Variants in RPF1 observed in about 807,000 individuals in gnomAD.
RPF1 encodes ribosome production factor 1 homolog, also known as ribosome production factor 1.
Under a neutral mutation model 41.9 loss-of-function variants are expected in RPF1, and 34 were observed. The observed-to-expected ratio is 0.81, with a 90% CI of 0.62 to 1.08. RPF1 has a LOEUF of 1.08. RPF1 is among the 50% of genes least tolerant of loss of function. The pLI is 0.00. For missense variants in RPF1, 425 were observed against 435.2 expected, an observed-to-expected ratio of 0.98 and a Z score of 0.21; for synonymous variants, 140 against 148.9, an observed-to-expected ratio of 0.94 and a Z score of 0.43.
chr1:84,496,387 TA>T lies in RPF1; in HGVS notation c.1008+22del. 6.3e-7 allele frequency: 1 copy of T among 1,576,408 alleles called. No individual in the cohort carries two copies. The highest frequency in any genetic ancestry group is 8.6e-7 in the Non-Finnish European group (1 of 1,161,056). On this transcript the variant is annotated intron_variant, in intron 8 of 8. Transcript: ENST00000370654. Reference sequence around the variant, plus strand: ...GTCCATAAGGTATGTGCTTATTGTTTAAAAAGACTAAGTCATTTTTAAAGTA... The same window carrying T: ...GTCCATAAGGTATGTGCTTATTGTTTAAAAGACTAAGTCATTTTTAAAGTA...
At position 84,496,047 on chromosome 1, in the gene RPF1, T is replaced by G. The variant is rs199978767; in HGVS notation, c.865T>G (p.Phe289Val). ...ATFHNQRDYI[F>V]FRFHRYIFRS... is the part of the protein sequence containing the mutation. ...ATTCCACAATCAACGGGATTACATA[T>G]TCTTCAGATTTCACAGGTGAGGAAG... Residue 289 changes from phenylalanine to valine, a missense_variant, in exon 7 of 9, where the codon TTC becomes GTC. Coordinates refer to ENST00000370654, the MANE Select transcript of RPF1 (RefSeq NM_025065.7). 5.8e-5 allele frequency: 93 copies of G among 1,606,796 alleles called. 1 individual carries two copies. In the East Asian group the frequency reaches 9.8e-4, roughly 17 times the overall value.
rs567994915 is a variant in RPF1 at position 84,489,091 on chromosome 1, CCTTT to C, written c.367-541_367-538del. Among the ~76,000 whole-genome samples the C allele has an allele frequency of 2.6e-4, 39 of 151,908 alleles. 2 individuals are homozygous for C. In the South Asian group the frequency reaches 4.4e-3, roughly 17 times the overall value. On this transcript the variant is annotated intron_variant, in intron 3 of 8. Transcript: ENST00000370654. ...TTATCTTTATTATTTTCTTCTGCTT[CCTTT>C]GAGTTTATTCTGTATTTATTGATTT...
chr1:84,483,500 C>G (rs1681687825), intron 3 of RPF1, among the ~76,000 whole-genome samples: 1 of 152,184 alleles, frequency 6.6e-6, no homozygotes, highest in South Asian at 2.1e-4. Flanking sequence ...CTCCTGATCA[C>G]AGGTGATCCG....
intron 4 of RPF1, 66 bp downstream of exon 4, chr1:84,489,794 C>G: frequency 1.1e-6 from 1 of 926,218 alleles, no homozygotes; most frequent in Non-Finnish European, 1.8e-6. Context: ...TTAAAGTACT[C>G]TGTTCAGAAG....
chr1:84,497,521 T>C lies in RPF1; in HGVS notation c.*51T>C, dbSNP rs1331220124. 7.4e-7 allele frequency: 1 copy of C among 1,350,276 alleles called. No individual in the cohort carries two copies. Among genetic ancestry groups the C allele is most frequent in the South Asian group, 1.3e-5 (1 of 76,926 alleles). The allele number at this position is 1,350,276 out of a possible 1,614,324, so 83.6% of individuals were successfully genotyped here. A position where few individuals can be genotyped will look rare whatever the true frequency, so the allele number is the denominator to read the frequency against. ...TTGCTGAACAGGCCTATCTTGAACTTTGGTAAATTATTTTTGACAGAATAC... is the reference window on the plus strand; with the variant it reads ...TTGCTGAACAGGCCTATCTTGAACTCTGGTAAATTATTTTTGACAGAATAC... On this transcript the variant is annotated 3_prime_UTR_variant, in exon 9 of 9. Transcript: ENST00000370654.
chr1:84,486,801 T>G (rs1426749236), intron 3 of RPF1, among the ~76,000 whole-genome samples: 1 of 152,028 alleles, frequency 6.6e-6, no homozygotes, highest in Non-Finnish European at 1.5e-5. Flanking sequence ...TTCTAAATAT[T>G]TTTTCCCCTG....
At chr1:84,485,756 T>C (rs1487315602) in intron 3 of RPF1, among the ~76,000 whole-genome samples, 1 of 152,220 alleles carries the variant, frequency 6.6e-6, no homozygotes, top group Non-Finnish European at 1.5e-5. Context: ...TAGTAAGTAT[T>C]TGGGGAGGAG....
chr1:84,490,230 T>A (rs1191803509), intron 4 of RPF1, 89 bp from the exon 5 acceptor site: 1 of 812,880 alleles, frequency 1.2e-6, no homozygotes, highest in Non-Finnish European at 1.8e-6. Context: ...TCATAATAAT[T>A]ATTATTTCTT....
Position 84,480,950 on chromosome 1 carries a change from C to G in RPF1, c.229-6C>G. 6.6e-7 allele frequency: 1 copy of G among 1,516,112 alleles called. No homozygotes were observed. The highest frequency in any genetic ancestry group is 9.1e-7 in the Non-Finnish European group (1 of 1,097,938). 93.9% of individuals were successfully genotyped at this position (1,516,112 alleles called of 1,614,324 possible). On this transcript the variant is annotated splice_polypyrimidine_tract_variant and splice_region_variant and intron_variant, in intron 1 of 8. Coordinates refer to ENST00000370654, the MANE Select transcript of RPF1 (RefSeq NM_025065.7). Reference sequence around the variant, plus strand: ...AGTATTGTTCTCTTTTTTTTTAACCCTTTAGGAAAAGTTGGCAGCTAAGAA... The same window carrying G: ...AGTATTGTTCTCTTTTTTTTTAACCGTTTAGGAAAAGTTGGCAGCTAAGAA...
At chr1:84,495,673 A>G (rs1371023097) in intron 6 of RPF1, among the ~76,000 whole-genome samples, 1 of 152,200 alleles carries the variant, frequency 6.6e-6, no homozygotes, top group African/African-American at 2.4e-5. Flanking sequence ...ATTTTCTAAT[A>G]GGATTTTTTT....
intron 5 of RPF1, among the ~76,000 whole-genome samples, chr1:84,492,860 G>A (rs1326702128): frequency 6.6e-6 from 1 of 152,176 alleles, no homozygotes; most frequent in African/African-American, 2.4e-5. Flanking sequence ...ATTTCCAAAT[G>A]TGAGCAGCTG....
At chr1:84,481,152 C>G in intron 2 of RPF1, 140 bp downstream of exon 2, 1 of 521,730 alleles carries the variant, frequency 1.9e-6, no homozygotes, top group Non-Finnish European at 3.3e-6. Flanking sequence ...TATAATAAAC[C>G]TCTTTGTATC....
At chr1:84,492,024 G>T (rs1681842866) in intron 5 of RPF1, among the ~76,000 whole-genome samples, 1 of 152,138 alleles carries the variant, frequency 6.6e-6, no homozygotes, top group South Asian at 2.1e-4. Context: ...AGTTGGGCGT[G>T]TTGGTGCATG....
At chr1:84,496,595 C>T (rs1345782179) in intron 8 of RPF1, among the ~76,000 whole-genome samples, 1 of 149,938 alleles carries the variant, frequency 6.7e-6, no homozygotes, top group South Asian at 2.1e-4. Flanking sequence ...GATACAATAT[C>T]TGGGTCTGGT....
At chr1:84,485,849 G>A (rs181803084) in intron 3 of RPF1, among the ~76,000 whole-genome samples, 2 of 152,128 alleles carry the variant, frequency 1.3e-5, no homozygotes, top group Admixed American at 6.5e-5. Flanking sequence ...GTATATCACT[G>A]TAGTTTTAAT....
At chr1:84,491,462 A>G (rs1337021138) in intron 5 of RPF1, among the ~76,000 whole-genome samples, 1 of 152,222 alleles carries the variant, frequency 6.6e-6, no homozygotes, top group Non-Finnish European at 1.5e-5. Flanking sequence ...TTTAATTGTT[A>G]TCAATATAAC....
Position 84,489,674 on chromosome 1 carries a change from C to G in RPF1, c.408C>G (p.Phe136Leu). 6.2e-7 allele frequency: 1 copy of G among 1,610,164 alleles called. No homozygotes were observed. The highest frequency in any genetic ancestry group is 8.5e-7 in the Non-Finnish European group (1 of 1,176,612). Residue 136 changes from phenylalanine (F) to leucine (L), a missense_variant, in exon 4 of 9, where the codon TTC (phenylalanine) becomes TTG (leucine). By Grantham distance (22) the Phe-to-Leu change is conservative. Coordinates refer to ENST00000370654, the MANE Select transcript of RPF1 (RefSeq NM_025065.7). ...CTACAGATGAATTTGCTTCTTACTT[C>G]AACAAACAGACTTCTCCCAAGATTC... Reference protein sequence around the residue: ...DEATDEFASYFNKQTSPKILI... With the variant: ...DEATDEFASYLNKQTSPKILI...
chr1:84,486,475 C>T (rs1165469074), intron 3 of RPF1, among the ~76,000 whole-genome samples: 1 of 151,004 alleles, frequency 6.6e-6, no homozygotes, highest in Non-Finnish European at 1.5e-5. Context: ...GTAGTCCCAG[C>T]TACTCGGGAG....
At chr1:84,489,962 T>C (rs549044632) in intron 4 of RPF1, among the ~76,000 whole-genome samples, 7 of 152,336 alleles carry the variant, frequency 4.6e-5, no homozygotes, top group East Asian at 1.9e-4. Flanking sequence ...TTCTTTGTTA[T>C]GGTGAGCTAT....
Sources: gnomAD v4.1 joint callset for allele counts (sites outside exome capture counted in the v4.1 genomes callset) on GRCh38, gnomAD v4.1.1 for gene constraint, MANE v1.5 for transcripts, NCBI Gene and HGNC (gene_info 2026-07-23, HGNC 2026-07-21) for gene names.